TIAM2: variants seen among roughly 807,000 people sequenced by gnomAD.
The protein encoded by TIAM2 is rho guanine nucleotide exchange factor TIAM2.
Under a neutral mutation model 152.9 loss-of-function variants are expected in TIAM2, and 80 were observed. That is an observed-to-expected ratio of 0.52 (90% CI 0.44 to 0.63). TIAM2 has a LOEUF of 0.63. Among genes scored for constraint, TIAM2 ranks in the 30% least tolerant of loss-of-function variants. The pLI is 0.00. For synonymous variants in TIAM2, 804 were observed against 838.0 expected, an observed-to-expected ratio of 0.96 and a Z score of 0.70; for missense variants, 1,965 against 2,120.1, an observed-to-expected ratio of 0.93 and a Z score of 1.44.
intron 1 of TIAM2, among the ~76,000 whole-genome samples, chr6:155,029,505 A>ATACTATAGT (rs1303279516): frequency 3.5e-5 from 1 of 28,338 alleles, no homozygotes; most frequent in Non-Finnish European, 6.3e-5. Flanking sequence ...TATTATATAT[A>ATACTATAGT]ATATATACTA....
Position 155,137,189 on chromosome 6 carries a change from A to G in TIAM2, c.1207A>G (p.Lys403Glu). Residue 403 changes from lysine to glutamate, a missense_variant, in exon 5 of 27, where the codon AAG becomes GAG. Physicochemically the swap from Lys to Glu is moderately conservative, Grantham distance 56. Coordinates refer to ENST00000682666, the MANE Select transcript of TIAM2 (RefSeq NM_012454.4). ...KKRKLQEPRSKEGSDYFDSRS... is the reference protein window; with the variant it reads ...KKRKLQEPRSEEGSDYFDSRS... The stretch of plus-strand genomic sequence containing the variant: ...GTGTTTCTCACAGGAGCCGAGGTCC[A>G]AGGAGGGCAGTGACTACTTTGACAG... The G allele has an allele frequency of 1.2e-6, 2 of 1,612,682 alleles. No individual in the cohort carries two copies. The highest frequency in any genetic ancestry group is 1.3e-5 in the African/African-American group (1 of 75,020).
intron 14 of TIAM2, among the ~76,000 whole-genome samples, chr6:155,184,107 GCCT>G (rs1233109096): frequency 6.6e-6 from 1 of 152,146 alleles, no homozygotes; most frequent in East Asian, 1.9e-4. Context: ...TCGTGCCTCA[GCCT>G]CCTGAGTAGC....
chr6:155,214,203 T>A lies in TIAM2; in HGVS notation c.3168+2896T>A, dbSNP rs1781797939. ...ACATTCTCAGCTCCTGCTGGCTCCA[T>A]GGAACGCACAGCGCTGGCCGTGCCT... On this transcript the variant is annotated intron_variant, in intron 15 of 26. Coordinates refer to ENST00000682666, the MANE Select transcript of TIAM2 (RefSeq NM_012454.4). This position sits in a 1 kb window ranked among gnomAD's most constrained non-coding sequence, Gnocchi z 5.4. Among the ~76,000 whole-genome samples the A allele has an allele frequency of 6.6e-6, 1 of 152,212 alleles. No homozygotes were observed. Among genetic ancestry groups the A allele is most frequent in the Non-Finnish European group, 1.5e-5 (1 of 68,030 alleles).
intron 2 of TIAM2, among the ~76,000 whole-genome samples, chr6:155,104,040 ACC>A (rs774902405): frequency 0.042 from 2,448 of 57,720 alleles, 206 homozygotes; most frequent in African/African-American, 0.17. Flanking sequence ...ACACACACAC[ACC>A]CCCCCCCCCA....
intron 1 of TIAM2, among the ~76,000 whole-genome samples, chr6:155,047,697 G>A (rs1777218407): frequency 1.2e-4 from 1 of 8,414 alleles, no homozygotes; most frequent in Non-Finnish European, 3.1e-4. Context: ...AGGAGAGAGA[G>A]AGAGAGAGCG....
At chr6:155,253,817 G>GCT in intron 24 of TIAM2, 156 bp from the exon 25 acceptor site, 1 of 577,424 alleles carries the variant, frequency 1.7e-6, no homozygotes, top group Non-Finnish European at 3.0e-6. Context: ...TCTTGTAACT[G>GCT]TGAAAATCAT....
Position 155,137,561 on chromosome 6 carries a change from C to T in TIAM2, c.1579C>T (p.Leu527Phe), listed in dbSNP as rs769646767. 2.5e-6 allele frequency: 4 copies of T among 1,611,842 alleles called. 1 individual carries two copies. In the Admixed American group the frequency reaches 5.0e-5, roughly 20 times the overall value. The change falls in exon 5 of 27, where the codon CTT becomes TTT. Residue 527 changes from leucine to phenylalanine, a missense_variant. Leu to Phe is a conservative substitution (Grantham distance 22). Around this residue, in one of 3 missense-constraint regions of TIAM2, gnomAD observed 1,025 missense variants for 1,119.4 expected, o/e 0.92. Transcript: ENST00000682666. The stretch of plus-strand genomic sequence containing the variant: ...GGTCACTGTGCAGAAGGAAAGGAAG[C>T]TTGAGCTGGTGGCACGAAGGAAATG... Reference protein sequence around the residue: ...PLVTVQKERKLELVARRKWKQ... With the variant: ...PLVTVQKERKFELVARRKWKQ...
intron 14 of TIAM2, among the ~76,000 whole-genome samples, chr6:155,210,584 G>A (rs1178294824): frequency 2.0e-5 from 3 of 151,676 alleles, no homozygotes; most frequent in Admixed American, 2.0e-4. Context: ...TGATTCTCTC[G>A]CCTTGGCCTC....
intron 1 of TIAM2, among the ~76,000 whole-genome samples, chr6:155,059,282 CTGTGTGTGTGTCTGTGTGTGTGTGTGTG>C (rs1777515660): frequency 6.9e-6 from 1 of 144,104 alleles, no homozygotes; most frequent in Non-Finnish European, 1.5e-5. Flanking sequence ...ATGTCCCTTT[CTGTGTGTGTGTCTGTGTGTGTGTGTGTG>C]TGTGTGTGTG....
At chr6:155,165,946 G>A (rs1051929807) in intron 9 of TIAM2, among the ~76,000 whole-genome samples, 1 of 151,958 alleles carries the variant, frequency 6.6e-6, no homozygotes, top group Non-Finnish European at 1.5e-5. Context: ...GAAAAAATAA[G>A]AATAATCAGA....
At chr6:155,202,316 A>C (rs1018825122) in intron 14 of TIAM2, among the ~76,000 whole-genome samples, 4 of 152,270 alleles carry the variant, frequency 2.6e-5, no homozygotes, top group African/African-American at 9.6e-5. Flanking sequence ...GAAAGGTGGC[A>C]CAAACCACTG....
intron 2 of TIAM2, among the ~76,000 whole-genome samples, chr6:155,114,803 C>T (rs1019489024): frequency 2.6e-5 from 4 of 151,994 alleles, no homozygotes; most frequent in Non-Finnish European, 5.9e-5. Flanking sequence ...TGATCAGAAC[C>T]ACAACCACCC....
intron 25 of TIAM2, 104 bp from the exon 26 acceptor site, chr6:155,254,315 G>A: frequency 6.8e-7 from 1 of 1,471,470 alleles, no homozygotes; most frequent in Non-Finnish European, 9.3e-7. Context: ...CTGGCTGGCA[G>A]CCTGGTCCAG....
intron 1 of TIAM2, among the ~76,000 whole-genome samples, chr6:155,003,339 G>A (rs1413847072): frequency 6.6e-6 from 1 of 152,098 alleles, no homozygotes; most frequent in African/African-American, 2.4e-5. Flanking sequence ...AGGGAGCCAG[G>A]TGTAGTGGTG....
intron 1 of TIAM2, among the ~76,000 whole-genome samples, chr6:155,049,789 A>G (rs1583168190): frequency 8.1e-6 from 1 of 124,190 alleles, no homozygotes; most frequent in Non-Finnish European, 1.6e-5. Context: ...TTAAATTACA[A>G]AAGTATCTTT....
rs567389066 is a variant in TIAM2, at chr6:155,219,463, G to A, written c.3168+8156G>A. On this transcript the variant is annotated intron_variant, in intron 15 of 26. Transcript: ENST00000682666. ...AGATCACCAGGGGTCAGAGTTGGGC[G>A]GAGTGTGGCACCAGCCCATATGCCT... 9.2e-5 allele frequency among the ~76,000 whole-genome samples: 14 copies of A among 152,298 alleles called. No individual in the cohort carries two copies. The South Asian group carries it at 1.4e-3, about 16-fold the overall frequency.
intron 1 of TIAM2, among the ~76,000 whole-genome samples, chr6:154,996,950 G>C (rs953819163): frequency 6.6e-6 from 1 of 152,040 alleles, no homozygotes; most frequent in Non-Finnish European, 1.5e-5. Flanking sequence ...TATTTACTGT[G>C]GCAAAACACG....
Position 155,202,322 on chromosome 6 carries a change from C to G in TIAM2, c.3065-8882C>G, listed in dbSNP as rs114958403. 7.0e-3 allele frequency among the ~76,000 whole-genome samples: 1,064 copies of G among 152,288 alleles called. 9 individuals are homozygous for G. The highest frequency in any genetic ancestry group is 0.025 in the African/African-American group (1,020 of 41,550). ...GTCATTAGTGAAAGGTGGCACAAAC[C>G]ACTGCATTTTAAAGTAAAAGTATGA... On this transcript the variant is annotated intron_variant, in intron 14 of 26. Coordinates refer to ENST00000682666, the MANE Select transcript of TIAM2 (RefSeq NM_012454.4).
intron 1 of TIAM2, among the ~76,000 whole-genome samples, chr6:155,010,660 G>A (rs939931405): frequency 6.6e-6 from 1 of 152,022 alleles, no homozygotes; most frequent in Non-Finnish European, 1.5e-5. Flanking sequence ...TCTCCATGTT[G>A]GTCAGGCTGG....
Sources: allele counts gnomAD v4.1 joint callset (sites outside exome capture counted in the v4.1 genomes callset), GRCh38; gene constraint gnomAD v4.1.1; regional missense constraint gnomAD v4.1.1; non-coding constraint Gnocchi (gnomAD v3.1); transcripts MANE v1.5; gene names NCBI Gene and HGNC (gene_info 2026-07-23, HGNC 2026-07-21).